Variants in GAL3ST3 observed in about 807,000 individuals in gnomAD.
GAL3ST3 encodes galactose-3-O-sulfotransferase 3.
Under a neutral mutation model 20.8 loss-of-function variants are expected in GAL3ST3, and 21 were observed. The ratio of observed to expected loss-of-function variants is 1.01; its 90% confidence interval spans 0.72 to 1.45. GAL3ST3 has a LOEUF of 1.45. Among genes scored for constraint, GAL3ST3 ranks in the 40% most tolerant of loss-of-function variants. The probability of loss-of-function intolerance (pLI) is 0.00; values close to 1 mark genes in which losing one functional copy is unlikely to be tolerated. For missense variants in GAL3ST3, 739 were observed against 662.7 expected, an observed-to-expected ratio of 1.12 and a Z score of -1.26; for synonymous variants, 355 against 307.2, an observed-to-expected ratio of 1.16 and a Z score of -1.63.
rs1355183602 is a variant in GAL3ST3, at chr11:66,043,027, A to G, written c.776T>C (p.Leu259Pro). The G allele has an allele frequency of 6.2e-7, 1 of 1,610,024 alleles. No homozygotes were observed. Among genetic ancestry groups the G allele is most frequent in the Admixed American group, 1.7e-5 (1 of 59,870 alleles). ...VLLRRLLAWD[L>P]DDVLYAKLNA... ...GAGCTTGGCGTAGAGCACGTCGTCC[A>G]GGTCCCAGGCCAGTAGGCGCCGCAG... The change falls in exon 3 of 3, where the codon CTG becomes CCG. Residue 259 changes from leucine to proline, a missense_variant. Physicochemically the swap from Leu to Pro is moderately conservative, Grantham distance 98. Transcript: ENST00000312006.
At position 66,042,570 on chromosome 11, in the gene GAL3ST3, G is replaced by C. The variant is rs1333044029; in HGVS notation, c.1233C>G (p.Pro411=). The C allele has an allele frequency of 3.3e-6, 5 of 1,533,856 alleles. No homozygotes were observed. Among genetic ancestry groups the C allele is most frequent in the East Asian group, 2.4e-5 (1 of 41,470 alleles). ...GCCGAGGCGGGGGATTGTCCAGGAC[G>C]GGCTCGGGCCGAGCCCGCGCACCGC... ...RRGGARARPE[P]VLDNPPPRPI... The change falls in exon 3 of 3, where the codon CCC becomes CCG. Residue 411 remains proline (P), a synonymous_variant. Transcript: ENST00000312006.
chr11:66,047,183 G>A (rs1219456635), intron 1 of GAL3ST3, among the ~76,000 whole-genome samples: 3 of 152,180 alleles, frequency 2.0e-5, no homozygotes, highest in Non-Finnish European at 4.4e-5. Context: ...GCCTGGCCTG[G>A]CTGGGGCTGC....
At position 66,043,537 on chromosome 11, in the gene GAL3ST3, C is replaced by T. The variant is rs149435082; in HGVS notation, c.266G>A (p.Arg89His). 119 of 1,610,692 alleles carry T rather than the reference C, an allele frequency of 7.4e-5. No homozygotes were observed. Among genetic ancestry groups the T allele is most frequent in the Non-Finnish European group, 9.7e-5 (114 of 1,179,776 alleles). The change falls in exon 3 of 3, where the codon CGC becomes CAC. Residue 89 changes from arginine to histidine, a missense_variant. Transcript: ENST00000312006. ...CGGCAGGGCCACCGTCAGGTTGTGG[C>T]GCTCGGCAAAGCGAAACAGGATGTT... is the stretch of plus-strand genomic sequence containing the variant. Reference protein sequence around the residue: ...VQNILFRFAERHNLTVALPHP... With the variant: ...VQNILFRFAEHHNLTVALPHP...
intron 1 of GAL3ST3, among the ~76,000 whole-genome samples, chr11:66,047,504 C>A (rs1055329212): frequency 6.6e-6 from 1 of 152,222 alleles, no homozygotes; most frequent in Non-Finnish European, 1.5e-5. Flanking sequence ...CACTTCCCTA[C>A]ATGGCTGAGC....
In GAL3ST3 at chr11:66,043,574, T is replaced by C; in HGVS notation, c.229A>G (p.Thr77Ala). ...AFLKTHKTAG[T>A]TVQNILFRFA... ...CGAAACAGGATGTTCTGCACCGTCG[T>C]GCCTGCCGTCTTGTGAGTCTTCAGG... The change falls in exon 3 of 3, where the codon ACG becomes GCG. Residue 77 changes from threonine to alanine, a missense_variant. Thr to Ala is a moderately conservative substitution (Grantham distance 58). Coordinates refer to ENST00000312006, the MANE Select transcript of GAL3ST3 (RefSeq NM_033036.3). 1 of 1,612,584 alleles carries C rather than the reference T, an allele frequency of 6.2e-7. No homozygotes were observed. Among genetic ancestry groups the C allele is most frequent in the Non-Finnish European group, 8.5e-7 (1 of 1,179,920 alleles).
rs545619471 is a variant in GAL3ST3, at chr11:66,045,977, C to T, written c.-112-450G>A. ...CCAGAGAAACCGAGCTCCTCGGAAA[C>T]ACTGATCAGGCCTTCACCTCCTTGG... On this transcript the variant is annotated intron_variant, in intron 1 of 2. Transcript: ENST00000312006. Among the ~76,000 whole-genome samples the T allele has an allele frequency of 8.5e-5, 13 of 152,340 alleles. No homozygotes were observed. The South Asian group carries it at 2.5e-3, about 29-fold the overall frequency.
intron 1 of GAL3ST3, 118 bp from the exon 2 acceptor site, chr11:66,045,645 G>T (rs1856775377): frequency 5.2e-6 from 2 of 385,864 alleles, no homozygotes; most frequent in Admixed American, 9.2e-5. Flanking sequence ...GGGCAGATCG[G>T]ATTCCTACCT....
chr11:66,043,834 C>G lies in GAL3ST3; in HGVS notation c.126-157G>C, dbSNP rs144401435. On this transcript the variant is annotated intron_variant, in intron 2 of 2. Coordinates refer to ENST00000312006, the MANE Select transcript of GAL3ST3 (RefSeq NM_033036.3). The stretch of plus-strand genomic sequence containing the variant: ...GCGGTGCTTGGTAGCCTCTAAGATG[C>G]CCTCTATGATCCCTGCTGCCCTCCT... Among the ~76,000 whole-genome samples the G allele has an allele frequency of 4.5e-4, 68 of 152,284 alleles. 1 individual carries two copies. In the East Asian group the frequency reaches 0.012, roughly 27 times the overall value.
At chr11:66,048,378 T>C (rs1163202486) in intron 1 of GAL3ST3, among the ~76,000 whole-genome samples, 1 of 152,038 alleles carries the variant, frequency 6.6e-6, no homozygotes, top group African/African-American at 2.4e-5. Context: ...GAGCCCTTTC[T>C]CCTCTGTCTC....
intron 1 of GAL3ST3, 76 bp downstream of exon 1, chr11:66,048,935 G>T (rs894730636): frequency 2.6e-5 from 4 of 151,146 alleles, no homozygotes; most frequent in African/African-American, 9.8e-5. Flanking sequence ...ACACTCTCCC[G>T]CCCGCCTCTC....
intron 2 of GAL3ST3, among the ~76,000 whole-genome samples, chr11:66,044,722 T>C (rs906098705): frequency 5.9e-5 from 9 of 152,222 alleles, no homozygotes; most frequent in African/African-American, 2.2e-4. Context: ...TGTTGCTTCA[T>C]TCTTAAAACA....
In GAL3ST3 at chr11:66,045,449, T is replaced by C; in HGVS notation, c.-34A>G. 6.4e-7 allele frequency: 1 copy of C among 1,554,846 alleles called. No homozygotes were observed. The highest frequency in any genetic ancestry group is 2.3e-5 in the East Asian group (1 of 42,770). On this transcript the variant is annotated 5_prime_UTR_variant, in exon 2 of 3. Transcript: ENST00000312006. ...ACCCACCCCTGGACCAGCCAGGGCC[T>C]CACTATCCAGGACTCCCTTCACAGG...
In GAL3ST3 at chr11:66,042,816, C is replaced by T. The variant is rs1856724260; in HGVS notation, c.987G>A (p.Gln329=). 7.1e-7 allele frequency: 1 copy of T among 1,416,180 alleles called. No individual in the cohort carries two copies. Among genetic ancestry groups the T allele is most frequent in the African/African-American group, 1.5e-5 (1 of 65,210 alleles). 87.7% of individuals were successfully genotyped at this position (1,416,180 alleles called of 1,614,324 possible). Residue 329 remains glutamine, a synonymous_variant, in exon 3 of 3, where the codon CAG becomes CAA. Transcript: ENST00000312006. ...REARELREAR[Q]RLLRRCFGDE... is the part of the protein sequence containing the mutation. ...CCCCGAAGCAGCGCCGCAGTAGGCG[C>T]TGGCGGGCCTCGCGCAGCTCGCGCG...
In GAL3ST3 at chr11:66,043,437, C is replaced by T. The variant is rs779460367; in HGVS notation, c.366G>A (p.Pro122=). The change falls in exon 3 of 3, where the codon CCG becomes CCA. Residue 122 remains proline, a synonymous_variant. Coordinates refer to ENST00000312006, the MANE Select transcript of GAL3ST3 (RefSeq NM_033036.3). The part of the protein sequence containing the change: ...SAHFVHPATR[P]PHVLASHLRF... Reference sequence around the variant, plus strand: ...GCAGGTGGCTGGCCAGCACGTGCGGCGGCCGCGTGGCCGGGTGCACGAAGT... The same window carrying T: ...GCAGGTGGCTGGCCAGCACGTGCGGTGGCCGCGTGGCCGGGTGCACGAAGT... The T allele has an allele frequency of 7.5e-6, 12 of 1,608,840 alleles. No individual in the cohort carries two copies. The highest frequency in any genetic ancestry group is 1.0e-5 in the Non-Finnish European group (12 of 1,178,018).
rs191337926 is a variant in GAL3ST3, at chr11:66,042,271, G to A, written c.*236C>T. On this transcript the variant is annotated 3_prime_UTR_variant, in exon 3 of 3. Transcript: ENST00000312006. ...CTCTTGTCAAAATCACCAACCAGCT[G>A]GGAAGGAGAGGGTGGCCCAGCGCTG... is the stretch of plus-strand genomic sequence containing the variant. The A allele has an allele frequency of 1.0e-5, 5 of 480,848 alleles. No homozygotes were observed. In the Admixed American group the frequency reaches 1.7e-4, roughly 16 times the overall value. 29.8% of individuals were successfully genotyped at this position (480,848 alleles called of 1,614,324 possible).
chr11:66,044,463 C>T (rs1001190855), intron 2 of GAL3ST3, among the ~76,000 whole-genome samples: 5 of 152,196 alleles, frequency 3.3e-5, no homozygotes, highest in South Asian at 2.1e-4. Context: ...AGTCTGGAGA[C>T]GACTCACATG....
At position 66,045,500 on chromosome 11, in the gene GAL3ST3, G is replaced by T; in HGVS notation, c.-85C>A. On this transcript the variant is annotated 5_prime_UTR_variant, in exon 2 of 3. Coordinates refer to ENST00000312006, the MANE Select transcript of GAL3ST3 (RefSeq NM_033036.3). Reference sequence around the variant, plus strand: ...CACTCATGGGGGATCCTGCGGCTCTGGTAGCAGGGCCAGTGTTCCCGAGAA... The same window carrying T: ...CACTCATGGGGGATCCTGCGGCTCTTGTAGCAGGGCCAGTGTTCCCGAGAA... 7.1e-7 allele frequency: 1 copy of T among 1,401,020 alleles called. No individual in the cohort carries two copies. The highest frequency in any genetic ancestry group is 9.5e-7 in the Non-Finnish European group (1 of 1,053,934). The allele number at this position is 1,401,020 out of a possible 1,614,324, so 86.8% of individuals were successfully genotyped here.
chr11:66,046,957 T>A (rs997057710), intron 1 of GAL3ST3, among the ~76,000 whole-genome samples: 2 of 152,210 alleles, frequency 1.3e-5, no homozygotes, highest in African/African-American at 4.8e-5. Flanking sequence ...TAATCCTGGA[T>A]TACATTTAAA....
chr11:66,042,525 G>A lies in GAL3ST3; in HGVS notation c.1278C>T (p.Arg426=), dbSNP rs201817577. ...PPPRPIRVLP[R]GPQGP ...GCGGAGCTCAGGGACCTTGAGGGCC[G>A]CGAGGCAGCACTCGGATGGGCCGAG... The change falls in exon 3 of 3, where the codon CGC becomes CGT. Residue 426 remains arginine, a synonymous_variant. Transcript: ENST00000312006. 520 of 1,494,900 alleles carry A rather than the reference G, an allele frequency of 3.5e-4. 5 individuals carry two copies. The East Asian group carries it at 0.011, about 33-fold the overall frequency. 92.6% of individuals were successfully genotyped at this position (1,494,900 alleles called of 1,614,324 possible).
Sources: allele counts gnomAD v4.1 joint callset (sites outside exome capture counted in the v4.1 genomes callset), GRCh38; gene constraint gnomAD v4.1.1; transcripts MANE v1.5; gene names NCBI Gene and HGNC (gene_info 2026-07-23, HGNC 2026-07-21).